The following UNC13C variants were observed in gnomAD, a reference collection of about 807,000 sequenced individuals.
UNC13C encodes unc-13 homolog C, also known as protein unc-13 homolog C.
UNC13C carries 174 observed loss-of-function variants against 245.4 expected under a neutral mutation model. The observed-to-expected ratio is 0.71, with a 90% CI of 0.63 to 0.80. The LOEUF (loss-of-function observed/expected upper bound fraction) is 0.80, where lower values mean the gene tolerates loss of function less well. Ranked by LOEUF, UNC13C falls within the 30% of genes least tolerant of loss-of-function variation. The pLI is 0.00. For missense variants in UNC13C, 2,829 were observed against 2,602.9 expected (o/e 1.09, Z -1.89); for synonymous variants, 992 against 895.1 (o/e 1.11, Z -1.93).
the UNC13C span, among the ~76,000 whole-genome samples, chr15:53,922,308 A>T: frequency 1.3e-5 from 2 of 152,210 alleles, no homozygotes; most frequent in South Asian, 2.1e-4. Flanking sequence ...TATATGAAAA[A>T]GGTTCCCAGA....
chr15:54,213,211 C>A lies in UNC13C; in HGVS notation c.3072-21819C>A, dbSNP rs185251837. ...ACATATATTGAAGCATTAGGTTATA[C>A]CCTATAAATATATATAATTATTATT... is the stretch of plus-strand genomic sequence containing the variant. On this transcript the variant is annotated intron_variant, in intron 4 of 32. Coordinates refer to ENST00000260323, the MANE Select transcript of UNC13C (RefSeq NM_001080534.3). 6.9e-3 allele frequency among the ~76,000 whole-genome samples: 1,050 copies of A among 151,794 alleles called. 20 individuals are homozygous for A. Among genetic ancestry groups the A allele is most frequent in the Non-Finnish European group, 5.7e-3 (386 of 67,904 alleles).
chr15:53,944,177 T>C, the UNC13C span, among the ~76,000 whole-genome samples: 1 of 152,164 alleles, frequency 6.6e-6, no homozygotes, highest in Admixed American at 6.5e-5. Context: ...CCAGGCTTCC[T>C]AATTGATGTG....
chr15:54,203,173 A>T (rs1312509176), intron 4 of UNC13C, among the ~76,000 whole-genome samples: 1 of 151,918 alleles, frequency 6.6e-6, no homozygotes, highest in Non-Finnish European at 1.5e-5. Flanking sequence ...AATATCAAAA[A>T]ATAATAGATG....
intron 26 of UNC13C, among the ~76,000 whole-genome samples, chr15:54,539,295 C>T (rs1896133733): frequency 6.6e-6 from 1 of 151,190 alleles, no homozygotes; most frequent in East Asian, 1.9e-4. Context: ...GGGGAAATAT[C>T]TAGAAGATAG....
chr15:53,995,318 ATTGG>A (rs1894573124), intron 1 of UNC13C, among the ~76,000 whole-genome samples: 1 of 152,024 alleles, frequency 6.6e-6, no homozygotes. Context: ...ACCTACTTAA[ATTGG>A]TATCTTACTA....
intron 2 of UNC13C, among the ~76,000 whole-genome samples, chr15:54,075,444 T>G (rs1375342463): frequency 9.7e-6 from 1 of 103,036 alleles, no homozygotes; most frequent in Non-Finnish European, 2.4e-5. Flanking sequence ...GAGCTTGCAG[T>G]GAGCCGGAGC....
chr15:53,888,152 T>C, the UNC13C span, among the ~76,000 whole-genome samples: 2 of 152,240 alleles, frequency 1.3e-5, no homozygotes, highest in African/African-American at 2.4e-5. Flanking sequence ...ATGGTTGAAC[T>C]AATTCACATT....
intron 10 of UNC13C, among the ~76,000 whole-genome samples, chr15:54,276,730 G>GC (rs1285716840): frequency 6.6e-6 from 1 of 151,978 alleles, no homozygotes; most frequent in African/African-American, 2.4e-5. Flanking sequence ...AAAAGAATGT[G>GC]CTATCTCAGG....
intron 30 of UNC13C, among the ~76,000 whole-genome samples, chr15:54,605,129 G>A (rs1403341996): frequency 1.3e-5 from 2 of 152,144 alleles, no homozygotes; most frequent in Non-Finnish European, 2.9e-5. Flanking sequence ...TAAAGCTGGA[G>A]GGAGAAGTGA....
At chr15:53,987,246 G>A (rs906302250) in intron 1 of UNC13C, among the ~76,000 whole-genome samples, 2 of 151,956 alleles carry the variant, frequency 1.3e-5, no homozygotes, top group South Asian at 4.1e-4. Flanking sequence ...TTAGTGATGA[G>A]GAATGGCTGT....
intron 4 of UNC13C, among the ~76,000 whole-genome samples, chr15:54,210,869 A>G (rs2034858857): frequency 2.0e-5 from 3 of 152,094 alleles, no homozygotes; most frequent in African/African-American, 7.2e-5. Context: ...TGGATGCAGG[A>G]CACGCGGTGG....
At chr15:54,364,787 G>T (rs1375563042) in intron 17 of UNC13C, among the ~76,000 whole-genome samples, 1 of 152,090 alleles carries the variant, frequency 6.6e-6, no homozygotes. Context: ...GATGGTGCCG[G>T]TAACACACTT....
At chr15:53,886,506 A>G in the UNC13C span, among the ~76,000 whole-genome samples, 3 of 152,200 alleles carry the variant, frequency 2.0e-5, no homozygotes, top group Admixed American at 1.3e-4. Flanking sequence ...CCATACTTCT[A>G]TAAGTAAATA....
intron 4 of UNC13C, among the ~76,000 whole-genome samples, chr15:54,223,520 T>C (rs946547977): frequency 1.3e-5 from 2 of 152,086 alleles, no homozygotes; most frequent in African/African-American, 4.8e-5. Flanking sequence ...GGAAGTCAGA[T>C]AAGGTGATTC....
At chr15:53,868,726 A>G in the UNC13C span, among the ~76,000 whole-genome samples, 1 of 152,222 alleles carries the variant, frequency 6.6e-6, no homozygotes, top group South Asian at 2.1e-4. Flanking sequence ...AAATTTAAGA[A>G]AAGAATAAGT....
chr15:54,106,259 C>A (rs1386498182), intron 2 of UNC13C, among the ~76,000 whole-genome samples: 4 of 152,026 alleles, frequency 2.6e-5, no homozygotes, highest in African/African-American at 4.8e-5. Context: ...TATGTAGAAC[C>A]AGCTCTGAAG....
At chr15:53,874,965 G>A in the UNC13C span, among the ~76,000 whole-genome samples, 3 of 152,058 alleles carry the variant, frequency 2.0e-5, no homozygotes, top group Non-Finnish European at 4.4e-5. Flanking sequence ...GTGGTGGCAT[G>A]CACCTGAATC....
At chr15:54,325,655 G>T (rs1428591280) in intron 14 of UNC13C, among the ~76,000 whole-genome samples, 1 of 151,884 alleles carries the variant, frequency 6.6e-6, no homozygotes, top group African/African-American at 2.4e-5. Flanking sequence ...GTGAGAACAT[G>T]TGGTGTTTGC....
chr15:54,050,689 G>A, intron 2 of UNC13C: 2 of 537,096 alleles, frequency 3.7e-6, no homozygotes, highest in Admixed American at 2.1e-5. Context: ...TTGGAAACCG[G>A]TGAAGATCTA....
Sources: gnomAD v4.1 joint callset for allele counts (sites outside exome capture counted in the v4.1 genomes callset) on GRCh38, gnomAD v4.1.1 for gene constraint, MANE v1.5 for transcripts, NCBI Gene and HGNC (gene_info 2026-07-23, HGNC 2026-07-21) for gene names.